Variants in PTPRN2 observed in about 807,000 individuals in gnomAD.
PTPRN2 encodes the protein protein tyrosine phosphatase receptor type N2.
A neutral mutation model predicts 118.8 loss-of-function variants in PTPRN2; 74 were observed. The ratio of observed to expected loss-of-function variants is 0.62; its 90% CI spans 0.52 to 0.76. The LOEUF (loss-of-function observed/expected upper bound fraction) is 0.76, where lower values mean the gene tolerates loss of function less well. Among genes scored for constraint, PTPRN2 ranks in the 30% least tolerant of loss-of-function variants. PTPRN2 has a pLI of 0.00. For missense variants in PTPRN2, 1,481 were observed against 1,394.4 expected (o/e 1.06, Z -0.99); for synonymous variants, 641 against 608.0 (o/e 1.05, Z -0.80).
intron 1 of PTPRN2, among the ~76,000 whole-genome samples, chr7:158,559,687 C>G (rs1827255642): frequency 6.6e-6 from 1 of 152,308 alleles, no homozygotes; most frequent in Non-Finnish European, 1.5e-5. Context: ...CCTGCCACTC[C>G]CTCTCACAGA....
chr7:158,050,308 A>G (rs1443769809), intron 11 of PTPRN2, among the ~76,000 whole-genome samples: 1 of 152,246 alleles, frequency 6.6e-6, no homozygotes, highest in African/African-American at 2.4e-5. Context: ...AACTTAATTC[A>G]TAATTCTACT....
intron 12 of PTPRN2, among the ~76,000 whole-genome samples, chr7:157,783,322 G>T (rs1241256571): frequency 1.3e-5 from 2 of 151,726 alleles, no homozygotes; most frequent in African/African-American, 4.9e-5. Flanking sequence ...GTTCCCATCT[G>T]AATATGTAAT....
intron 9 of PTPRN2, among the ~76,000 whole-genome samples, 194 bp from the exon 10 acceptor site, chr7:158,111,109 C>T (rs577532343): frequency 3.3e-5 from 5 of 152,258 alleles, no homozygotes; most frequent in South Asian, 2.1e-4. Flanking sequence ...GCAGTGCGGA[C>T]GGGGCTGTGG....
At chr7:158,179,065 T>C (rs903998253) in intron 5 of PTPRN2, among the ~76,000 whole-genome samples, 26 of 152,226 alleles carry the variant, frequency 1.7e-4, no homozygotes, top group African/African-American at 6.3e-4. Flanking sequence ...CTTTTAGTTC[T>C]TTATGAAATC....
At chr7:158,266,763 T>A (rs1312292693) in intron 3 of PTPRN2, among the ~76,000 whole-genome samples, 1 of 152,246 alleles carries the variant, frequency 6.6e-6, no homozygotes, top group African/African-American at 2.4e-5. Context: ...GAATTCAGTC[T>A]GATAAATAAT....
At chr7:157,683,883 C>T (rs1018659367) in intron 12 of PTPRN2, among the ~76,000 whole-genome samples, 1 of 152,142 alleles carries the variant, frequency 6.6e-6, no homozygotes, top group Admixed American at 6.5e-5. Flanking sequence ...GGAGCACGCC[C>T]GGCCTTGGTC....
chr7:158,150,522 C>G (rs758343428), intron 6 of PTPRN2, among the ~76,000 whole-genome samples: 14 of 152,262 alleles, frequency 9.2e-5, no homozygotes, highest in South Asian at 2.1e-4. Context: ...CCAGGTGAGT[C>G]CCAGTATTCA....
At chr7:158,273,996 A>G in intron 3 of PTPRN2, among the ~76,000 whole-genome samples, 1 of 129,114 alleles carries the variant, frequency 7.7e-6, no homozygotes, top group African/African-American at 3.3e-5. Flanking sequence ...AGGGAGCCGC[A>G]GACACAGGGA....
intron 3 of PTPRN2, among the ~76,000 whole-genome samples, chr7:158,236,600 G>A (rs67463190): frequency 1.3e-5 from 2 of 152,002 alleles, no homozygotes; most frequent in Admixed American, 6.5e-5. Flanking sequence ...TCATGGAGCC[G>A]CCGTGAAGAC....
intron 1 of PTPRN2, among the ~76,000 whole-genome samples, chr7:158,510,443 ACTCTCTCTCTCTCTCT>A (rs10581746): frequency 2.4e-4 from 35 of 147,652 alleles, no homozygotes; most frequent in African/African-American, 6.2e-4. Flanking sequence ...GTGTGTGTTT[ACTCTCTCTCTCTCTCT>A]CTCTCTCTCT....
intron 2 of PTPRN2, 29 bp downstream of exon 2, chr7:158,489,706 G>A (rs1389357064): frequency 1.3e-6 from 2 of 1,559,652 alleles, no homozygotes; most frequent in Non-Finnish European, 8.7e-7. Flanking sequence ...GGGCAGACCA[G>A]GGCGCAGCAG....
At chr7:158,366,680 A>T (rs1049923992) in intron 2 of PTPRN2, among the ~76,000 whole-genome samples, 1 of 151,830 alleles carries the variant, frequency 6.6e-6, no homozygotes, top group Non-Finnish European at 1.5e-5. Flanking sequence ...TTCTTCTGCC[A>T]CATTTGCTGG....
chr7:157,905,915 G>C (rs1051379716), intron 11 of PTPRN2, among the ~76,000 whole-genome samples: 1 of 152,152 alleles, frequency 6.6e-6, no homozygotes, highest in Non-Finnish European at 1.5e-5. Context: ...GTTTCTGGCC[G>C]AGCTGAAACG....
At chr7:158,025,035 GGCAGCTGGGCTTT>G (rs1190838477) in intron 11 of PTPRN2, among the ~76,000 whole-genome samples, 1 of 152,134 alleles carries the variant, frequency 6.6e-6, no homozygotes, top group Admixed American at 6.5e-5. Flanking sequence ...TGGGTAAGCG[GGCAGCTGGGCTTT>G]GCAGTGACAG....
chr7:158,142,945 G>A (rs1199477446), intron 6 of PTPRN2, among the ~76,000 whole-genome samples: 4 of 152,028 alleles, frequency 2.6e-5, no homozygotes, highest in Admixed American at 6.6e-5. Context: ...CACAGCCCTC[G>A]GTGCTGTTTT....
chr7:158,074,599 C>A (rs969362806), intron 11 of PTPRN2, among the ~76,000 whole-genome samples: 1 of 152,162 alleles, frequency 6.6e-6, no homozygotes, highest in African/African-American at 2.4e-5. Flanking sequence ...GTCAGCCCCT[C>A]GCAGTAGACG....
rs1289389125 is a variant in PTPRN2 at position 157,618,159 on chromosome 7, A to C, written c.2344+3203T>G. ...TCTGGGAAGTCGGGCGACTGTGTCC[A>C]TCTCCTGGGTGGAAGAATGACCCAG... On this transcript the variant is annotated intron_variant, in intron 15 of 22. Coordinates refer to ENST00000389418, the MANE Select transcript of PTPRN2 (RefSeq NM_002847.5). The surrounding 1 kb of genome is among the most constrained non-coding windows in gnomAD (Gnocchi z 4.2). 1 of 152,240 alleles carries C rather than the reference A, an allele frequency of 6.6e-6. No individual in the cohort carries two copies. The highest frequency in any genetic ancestry group is 1.5e-5 in the Non-Finnish European group (1 of 68,060). 9.4% of individuals were successfully genotyped at this position (152,240 alleles called of 1,614,324 possible).
intron 11 of PTPRN2, among the ~76,000 whole-genome samples, chr7:157,926,732 C>T (rs1457410434): frequency 6.6e-6 from 1 of 152,208 alleles, no homozygotes; most frequent in Non-Finnish European, 1.5e-5. Flanking sequence ...TTGCTTCCTG[C>T]TTAGACCTGA....
chr7:157,835,618 C>T lies in PTPRN2; in HGVS notation c.1788+63055G>A, dbSNP rs141121627. Among the ~76,000 whole-genome samples, 268 of 152,190 alleles carry T rather than the reference C, an allele frequency of 1.8e-3. 1 individual carries two copies. Among genetic ancestry groups the T allele is most frequent in the African/African-American group, 6.1e-3 (253 of 41,522 alleles). ...GAAACAGGGATCTGCAGCAATGCCT[C>T]GGCTCTCAGGGCGCTCGGGAGGGTG... On this transcript the variant is annotated intron_variant, in intron 12 of 22. Coordinates refer to ENST00000389418, the MANE Select transcript of PTPRN2 (RefSeq NM_002847.5).
Sources: allele counts gnomAD v4.1 joint callset (sites outside exome capture counted in the v4.1 genomes callset), GRCh38; gene constraint gnomAD v4.1.1; non-coding constraint Gnocchi (gnomAD v3.1); transcripts MANE v1.5; gene names NCBI Gene and HGNC (gene_info 2026-07-23, HGNC 2026-07-21).